PCDHA6: variants seen among roughly 807,000 people sequenced by gnomAD.
PCDHA6 encodes protocadherin alpha 6, also known as protocadherin alpha-6.
Under a neutral mutation model 60.3 loss-of-function variants are expected in PCDHA6, and 55 were observed. That is an observed-to-expected ratio of 0.91 (90% CI 0.73 to 1.14). The LOEUF (loss-of-function observed/expected upper bound fraction) is 1.14. Ranked by LOEUF, PCDHA6 falls within the 50% of genes most tolerant of loss-of-function variation. PCDHA6 has a pLI of 0.00. For synonymous variants in PCDHA6, 652 were observed against 557.9 expected, an observed-to-expected ratio of 1.17 and a Z score of -2.38; for missense variants, 1,327 against 1,256.5, an observed-to-expected ratio of 1.06 and a Z score of -0.85.
intron 1 of PCDHA6, among the ~76,000 whole-genome samples, chr5:140,833,623 C>A (rs2150209911): frequency 2.6e-5 from 4 of 152,064 alleles, no homozygotes; most frequent in Admixed American, 2.6e-4. Context: ...ATTCAGAATA[C>A]TTCCTCCTCA....
At chr5:140,870,164 T>A in intron 1 of PCDHA6, 1 of 1,614,174 alleles carries the variant, frequency 6.2e-7, no homozygotes, top group African/African-American at 1.3e-5. Context: ...GTGACTTCCT[T>A]GTCCCTCCCA....
At chr5:140,925,971 A>C (rs2082843743) in intron 1 of PCDHA6, among the ~76,000 whole-genome samples, 1 of 152,190 alleles carries the variant, frequency 6.6e-6, no homozygotes, top group African/African-American at 2.4e-5. Flanking sequence ...ACGCAAAAAA[A>C]AAGCCTTGAG....
intron 3 of PCDHA6, among the ~76,000 whole-genome samples, chr5:141,003,426 C>T (rs1316658550): frequency 1.3e-5 from 2 of 152,144 alleles, no homozygotes; most frequent in African/African-American, 4.8e-5. Context: ...ATTCTTATGC[C>T]TCAGCCTCCC....
At chr5:140,951,746 C>A (rs2094627797) in intron 1 of PCDHA6, among the ~76,000 whole-genome samples, 1 of 152,128 alleles carries the variant, frequency 6.6e-6, no homozygotes, top group African/African-American at 2.4e-5. Flanking sequence ...ACTGCCCTCA[C>A]CCTCCGCGAA....
At chr5:140,975,933 AG>A (rs1216240117) in intron 1 of PCDHA6, among the ~76,000 whole-genome samples, 1 of 152,194 alleles carries the variant, frequency 6.6e-6, no homozygotes, top group Non-Finnish European at 1.5e-5. Flanking sequence ...TAACCTTTGA[AG>A]CAATAGGACA....
intron 3 of PCDHA6, among the ~76,000 whole-genome samples, chr5:141,000,419 A>ATTTT (rs1563652468): frequency 3.0e-4 from 18 of 60,988 alleles, no homozygotes; most frequent in East Asian, 5.4e-4. Context: ...ATATATATAT[A>ATTTT]TATTTTTTTT....
chr5:140,876,620 G>A lies in PCDHA6; in HGVS notation c.2394+46135G>A, dbSNP rs782423759. The A allele has an allele frequency of 1.1e-5, 18 of 1,614,062 alleles. No homozygotes were observed. The highest frequency in any genetic ancestry group is 1.7e-5 in the Admixed American group (1 of 60,010). Reference sequence around the variant, plus strand: ...TCGGATCGTGACTCTGGAGCCAATGGACAGGTCATCTGCTCACTGACACCT... The same window carrying A: ...TCGGATCGTGACTCTGGAGCCAATGAACAGGTCATCTGCTCACTGACACCT... On this transcript the variant is annotated intron_variant, in intron 1 of 3. Coordinates refer to ENST00000529310, the MANE Select transcript of PCDHA6 (RefSeq NM_018909.4).
chr5:140,876,233 A>G, intron 1 of PCDHA6: 1 of 1,614,016 alleles, frequency 6.2e-7, no homozygotes, highest in Non-Finnish European at 8.5e-7. Context: ...TTGTCTGAAA[A>G]TGTCCAAAAC....
chr5:140,831,211 A>G lies in PCDHA6; in HGVS notation c.2394+726A>G, dbSNP rs2150192455. 5.9e-5 allele frequency: 9 copies of G among 152,346 alleles called. No individual in the cohort carries two copies. In the South Asian group the frequency reaches 1.9e-3, roughly 32 times the overall value. The allele number at this position is 152,346 out of a possible 1,614,324, so 9.4% of individuals were successfully genotyped here. ...TTAGACCTTGTGATCAAGTAAATTT[A>G]TATGAAAACTGCATTCCTCTGGCAT... On this transcript the variant is annotated intron_variant, in intron 1 of 3. Transcript: ENST00000529310.
intron 1 of PCDHA6, chr5:140,856,936 A>C: frequency 6.3e-7 from 1 of 1,594,202 alleles, no homozygotes. Flanking sequence ...GGATAAACGA[A>C]AGGACGGGAG....
intron 1 of PCDHA6, chr5:140,966,502 G>GGCAGCA (rs2096011406): frequency 6.9e-6 from 3 of 433,776 alleles, no homozygotes; most frequent in Non-Finnish European, 1.2e-5. Context: ...GAGCTGTAGC[G>GGCAGCA]GCAGCAGCAG....
intron 1 of PCDHA6, chr5:140,836,306 C>A: frequency 6.2e-7 from 1 of 1,613,706 alleles, no homozygotes; most frequent in Non-Finnish European, 8.5e-7. Flanking sequence ...ATGAGACGGA[C>A]GCACCGCGCC....
At chr5:140,832,640 G>T (rs2150203055) in intron 1 of PCDHA6, among the ~76,000 whole-genome samples, 1 of 152,252 alleles carries the variant, frequency 6.6e-6, no homozygotes, top group Middle Eastern at 3.4e-3. Flanking sequence ...TCCTAGGAGG[G>T]TCTTTAAGAG....
intron 1 of PCDHA6, among the ~76,000 whole-genome samples, chr5:140,906,364 C>T (rs2072599872): frequency 6.6e-6 from 1 of 152,184 alleles, no homozygotes; most frequent in African/African-American, 2.4e-5. Context: ...ATTCCCAACC[C>T]AAATGCTATT....
chr5:140,993,463 CACACA>C (rs1563592057), intron 3 of PCDHA6, among the ~76,000 whole-genome samples: 16 of 7,580 alleles, frequency 2.1e-3, no homozygotes, highest in African/African-American at 9.9e-3. Flanking sequence ...CTTTCTTTCT[CACACA>C]CACACACACA....
chr5:140,920,029 T>G (rs1584162393), intron 1 of PCDHA6, among the ~76,000 whole-genome samples: 1 of 152,118 alleles, frequency 6.6e-6, no homozygotes, highest in African/African-American at 2.4e-5. Flanking sequence ...GAGACAGAGA[T>G]TGGAGTGATG....
chr5:140,863,385 G>T (rs782510264), intron 1 of PCDHA6: 7 of 1,030,746 alleles, frequency 6.8e-6, no homozygotes, highest in Non-Finnish European at 1.0e-5. Context: ...CCGAGAGCTC[G>T]TGCATGCCGG....
chr5:140,881,318 C>G (rs970806128), intron 1 of PCDHA6: 20 of 977,252 alleles, frequency 2.0e-5, no homozygotes, highest in East Asian at 2.3e-4. Context: ...TGGTTAAATT[C>G]TATTTAACCA....
intron 1 of PCDHA6, chr5:140,968,903 A>G: frequency 6.2e-7 from 1 of 1,614,216 alleles, no homozygotes; most frequent in Non-Finnish European, 8.5e-7. Context: ...AATAGCATTA[A>G]GCACAGTGTC....
Sources: gnomAD v4.1 joint callset for allele counts (sites outside exome capture counted in the v4.1 genomes callset) on GRCh38, gnomAD v4.1.1 for gene constraint, MANE v1.5 for transcripts, NCBI Gene and HGNC (gene_info 2026-07-23, HGNC 2026-07-21) for gene names.